HNF1B: variants seen among roughly 807,000 people sequenced by gnomAD.
The protein encoded by HNF1B is HNF1 homeobox B, also known as hepatocyte nuclear factor 1-beta.
A neutral mutation model predicts 61.7 loss-of-function variants in HNF1B; 8 were observed. The observed-to-expected ratio is 0.13, with a 90% confidence interval of 0.08 to 0.23. The LOEUF is 0.23. Among genes scored for constraint, HNF1B ranks in the 10% least tolerant of loss-of-function variants. The probability of loss-of-function intolerance (pLI) is 1.00; values close to 1 mark genes in which losing one functional copy is unlikely to be tolerated. For missense variants in HNF1B, 562 were observed against 714.5 expected (o/e 0.79, Z 2.43); for synonymous variants, 314 against 287.7 (o/e 1.09, Z -0.93).
rs2147544778 is a variant in HNF1B, at chr17:37,731,653, C to T, written c.987G>A (p.Leu329=). Reference sequence around the variant, plus strand: ...GGTGGTGGGGGGAGCCGTGGGAGAGCAGAGGGTTCAGGCTGTGAGTCTGGT... The same window carrying T: ...GGTGGTGGGGGGAGCCGTGGGAGAGTAGAGGGTTCAGGCTGTGAGTCTGGT... ...SSNQTHSLNP[L]LSHGSPHHQP... is the part of the protein sequence containing the mutation. Residue 329 remains leucine (L), a synonymous_variant, in exon 4 of 9, where the codon CTG becomes CTA. Coordinates refer to ENST00000617811, the MANE Select transcript of HNF1B (RefSeq NM_000458.4). 6.2e-7 allele frequency: 1 copy of T among 1,614,034 alleles called. No individual in the cohort carries two copies. The highest frequency in any genetic ancestry group is 1.1e-5 in the South Asian group (1 of 91,070).
chr17:37,744,905 A>AAG lies in HNF1B; in HGVS notation c.-22_-21insCT. On this transcript the variant is annotated 5_prime_UTR_variant, in exon 1 of 9. Transcript: ENST00000617811. ...ACCATTTTCCAAGGACGGAAAAAGA[A>AAG]GGGGGTGAGGGGGTGGGTGGGTGCG... The AAG allele has an allele frequency of 3.9e-5, 12 of 306,224 alleles. No homozygotes were observed. Among genetic ancestry groups the AAG allele is most frequent in the Admixed American group, 7.6e-5 (2 of 26,364 alleles). The allele number at this position is 306,224 out of a possible 1,614,324, so 19.0% of individuals were successfully genotyped here.
chr17:37,743,197 G>A (rs967972360), intron 1 of HNF1B, among the ~76,000 whole-genome samples: 29 of 152,230 alleles, frequency 1.9e-4, no homozygotes, highest in African/African-American at 7.0e-4. Context: ...GGTGGCCGGC[G>A]GTGGGAGCCT....
chr17:37,691,594 C>A (rs551234953), intron 8 of HNF1B, among the ~76,000 whole-genome samples: 2 of 152,134 alleles, frequency 1.3e-5, no homozygotes, highest in East Asian at 1.9e-4. Flanking sequence ...TTGGGACATG[C>A]GCTGAGTGAA....
In HNF1B at chr17:37,732,679, T is replaced by TA. The variant is rs2033721507; in HGVS notation, c.810-850_810-849insT. On this transcript the variant is annotated intron_variant, in intron 3 of 8. Coordinates refer to ENST00000617811, the MANE Select transcript of HNF1B (RefSeq NM_000458.4). ...AGATTTCCCAAGGCTTTCCAATCGTTTAAAAAAAAATAGCTGGGCCCTGTG... is the reference window on the plus strand; with the variant it reads ...AGATTTCCCAAGGCTTTCCAATCGTTATAAAAAAAAATAGCTGGGCCCTGTG... Among the ~76,000 whole-genome samples, 42 of 133,324 alleles carry TA rather than the reference T, an allele frequency of 3.2e-4. 1 individual carries two copies. The South Asian group carries it at 4.5e-3, about 14-fold the overall frequency. 87.5% of individuals were successfully genotyped at this position (133,324 alleles called of 152,430 possible).
intron 1 of HNF1B, among the ~76,000 whole-genome samples, chr17:37,741,120 G>A (rs1389903388): frequency 2.0e-5 from 3 of 152,050 alleles, no homozygotes; most frequent in Admixed American, 6.5e-5. Flanking sequence ...ACTAGTTTCA[G>A]GTGAAACAAA....
chr17:37,709,661 C>T (rs2032868302), intron 5 of HNF1B, among the ~76,000 whole-genome samples: 1 of 152,140 alleles, frequency 6.6e-6, no homozygotes, highest in African/African-American at 2.4e-5. Flanking sequence ...ATATAGAAAA[C>T]TTCATTTAAT....
chr17:37,708,491 T>G (rs2032824992), intron 5 of HNF1B, among the ~76,000 whole-genome samples: 1 of 152,106 alleles, frequency 6.6e-6, no homozygotes, highest in Non-Finnish European at 1.5e-5. Context: ...AGCTTGCCTC[T>G]TAGAAGGAGG....
chr17:37,718,142 T>G (rs1342304322), intron 4 of HNF1B, among the ~76,000 whole-genome samples: 1 of 150,988 alleles, frequency 6.6e-6, no homozygotes, highest in Non-Finnish European at 1.5e-5. Flanking sequence ...TCAAAGCAAA[T>G]GTAACCAAGA....
chr17:37,693,189 C>CAAAAAAAA (rs11464180), intron 8 of HNF1B, among the ~76,000 whole-genome samples: 1 of 47,756 alleles, frequency 2.1e-5, no homozygotes, highest in African/African-American at 8.0e-5. Flanking sequence ...GATTCCATCT[C>CAAAAAAAA]AAAAAAAAAA....
At chr17:37,706,283 T>G (rs1041396771) in intron 5 of HNF1B, among the ~76,000 whole-genome samples, 10 of 152,298 alleles carry the variant, frequency 6.6e-5, no homozygotes, top group African/African-American at 2.4e-4. Flanking sequence ...AAAGTTATTA[T>G]GAAGAAAGGA....
At chr17:37,725,328 G>A (rs1225212707) in intron 4 of HNF1B, among the ~76,000 whole-genome samples, 4 of 152,160 alleles carry the variant, frequency 2.6e-5, no homozygotes, top group African/African-American at 7.2e-5. Flanking sequence ...GTATCTCCTG[G>A]CCCCTTTGTG....
intron 1 of HNF1B, among the ~76,000 whole-genome samples, chr17:37,743,097 G>C (rs1274575072): frequency 6.6e-6 from 1 of 152,230 alleles, no homozygotes; most frequent in Non-Finnish European, 1.5e-5. Context: ...CGCGGGGCTG[G>C]GTGCGGAGGG....
chr17:37,742,221 G>A (rs116820259), intron 1 of HNF1B, among the ~76,000 whole-genome samples: 1 of 152,224 alleles, frequency 6.6e-6, no homozygotes, highest in Non-Finnish European at 1.5e-5. Context: ...GTTCGTTAAG[G>A]AGCCCAACTT....
chr17:37,701,550 G>A (rs2032572296), intron 6 of HNF1B, among the ~76,000 whole-genome samples: 2 of 152,242 alleles, frequency 1.3e-5, no homozygotes, highest in Non-Finnish European at 2.9e-5. Context: ...TGCCCGCAGG[G>A]CAGAGTTAAA....
At chr17:37,731,471 G>A (rs1351282016) in intron 4 of HNF1B, 124 bp downstream of exon 4, 1 of 788,714 alleles carries the variant, frequency 1.3e-6, no homozygotes, top group South Asian at 1.5e-5. Flanking sequence ...CTGGCAATGA[G>A]AGAGCGGCCC....
intron 4 of HNF1B, among the ~76,000 whole-genome samples, chr17:37,720,488 A>G (rs2033274379): frequency 6.6e-6 from 1 of 151,864 alleles, no homozygotes; most frequent in Admixed American, 6.6e-5. Context: ...TAGAGAAGAG[A>G]AAATATGCCT....
rs1290584771 is a variant in HNF1B at position 37,744,552 on chromosome 17, G to A, written c.333C>T (p.Asp111=). The change falls in exon 1 of 9, where the codon GAC becomes GAT. Residue 111 remains aspartate, a synonymous_variant. Transcript: ENST00000617811. The stretch of plus-strand genomic sequence containing the variant: ...CGCTCTGCGCCTACCTGAGCATCCG[G>A]TCCACCTCCGCCCGCTGCTCCGCCG... ...EEAAEQRAEV[D]RMLSEDPWRA... 1.9e-6 allele frequency: 3 copies of A among 1,603,118 alleles called. No individual in the cohort carries two copies. The highest frequency in any genetic ancestry group is 2.2e-5 in the East Asian group (1 of 44,878).
In HNF1B at chr17:37,722,916, T is replaced by C. The variant is rs987465911; in HGVS notation, c.1045+8679A>G. ...CTTAAATGCTCCTTCGCCTGACGTT[T>C]GGGGGCCATTAAGCTTCCCAGATGC... On this transcript the variant is annotated intron_variant, in intron 4 of 8. Transcript: ENST00000617811. Among the ~76,000 whole-genome samples the C allele has an allele frequency of 2.0e-5, 3 of 151,844 alleles. No individual in the cohort carries two copies. The East Asian group carries it at 5.8e-4, about 29-fold the overall frequency.
rs565567087 is a variant in HNF1B at position 37,741,733 on chromosome 17, C to T, written c.345-2094G>A. ...TTTTTCTTTTGTTTAAATGCCTTTA[C>T]CTGTGTTCATTTTGTATGCCTAAGA... On this transcript the variant is annotated intron_variant, in intron 1 of 8. Coordinates refer to ENST00000617811, the MANE Select transcript of HNF1B (RefSeq NM_000458.4). Among the ~76,000 whole-genome samples the T allele has an allele frequency of 7.9e-5, 12 of 152,176 alleles. No individual in the cohort carries two copies. The South Asian group carries it at 1.7e-3, about 21-fold the overall frequency.
Sources: gnomAD v4.1 joint callset for allele counts (sites outside exome capture counted in the v4.1 genomes callset) on GRCh38, gnomAD v4.1.1 for gene constraint, MANE v1.5 for transcripts, NCBI Gene and HGNC (gene_info 2026-07-23, HGNC 2026-07-21) for gene names.